The following MAP4K4 variants were observed in gnomAD, a reference collection of about 807,000 sequenced individuals.
MAP4K4 encodes the protein mitogen-activated protein kinase kinase kinase kinase 4.
In MAP4K4, 38 loss-of-function variants were observed where a neutral mutation model predicts 189.6. The ratio of observed to expected loss-of-function variants is 0.20; its 90% CI spans 0.15 to 0.26. The LOEUF (loss-of-function observed/expected upper bound fraction) is 0.26. Ranked by LOEUF, MAP4K4 falls within the 10% of genes least tolerant of loss-of-function variation. The probability of loss-of-function intolerance (pLI) is 1.00; values close to 1 mark genes in which losing one functional copy is unlikely to be tolerated. For synonymous variants in MAP4K4, 610 were observed against 624.3 expected, an observed-to-expected ratio of 0.98 and a Z score of 0.34; for missense variants, 1,054 against 1,726.9, an observed-to-expected ratio of 0.61 and a Z score of 6.91.
Position 101,738,164 on chromosome 2 carries a change from CT to C in MAP4K4, c.123+39634del, listed in dbSNP as rs914998098. On this transcript the variant is annotated intron_variant, in intron 2 of 32. Transcript: ENST00000324219. ...CCCCAAGAAGAGAAAGCCCCTTGTA[CT>C]TTTTTTTCTTCTCTGAAGTCACAAA... is the stretch of plus-strand genomic sequence containing the variant. 5.9e-5 allele frequency among the ~76,000 whole-genome samples: 9 copies of C among 152,158 alleles called. No individual in the cohort carries two copies. In the South Asian group the frequency reaches 8.3e-4, roughly 14 times the overall value.
intron 2 of MAP4K4, among the ~76,000 whole-genome samples, chr2:101,774,169 G>A (rs372229127): frequency 6.6e-6 from 1 of 152,112 alleles, no homozygotes; most frequent in Non-Finnish European, 1.5e-5. Flanking sequence ...ACTAGTTTAC[G>A]TTACCACCAA....
At chr2:101,874,733 A>G (rs928203661) in intron 26 of MAP4K4, among the ~76,000 whole-genome samples, 2 of 152,226 alleles carry the variant, frequency 1.3e-5, no homozygotes, top group African/African-American at 2.4e-5. Context: ...GTAATTTCCA[A>G]GTACTTTACA....
intron 6 of MAP4K4, among the ~76,000 whole-genome samples, chr2:101,831,132 T>C (rs940741937): frequency 1.3e-5 from 2 of 152,164 alleles, no homozygotes; most frequent in African/African-American, 4.8e-5. Flanking sequence ...TCCTTGAACT[T>C]TCCTCTAGAC....
At chr2:101,885,942 T>C (rs1159449709) in intron 29 of MAP4K4, among the ~76,000 whole-genome samples, 1 of 152,208 alleles carries the variant, frequency 6.6e-6, no homozygotes, top group Non-Finnish European at 1.5e-5. Flanking sequence ...TTTACAAATA[T>C]ACCTCACATT....
At chr2:101,754,907 T>C (rs2071495985) in intron 2 of MAP4K4, among the ~76,000 whole-genome samples, 1 of 152,178 alleles carries the variant, frequency 6.6e-6, no homozygotes, top group Non-Finnish European at 1.5e-5. Flanking sequence ...CAGAATATTG[T>C]TAGTCATGGC....
Position 101,812,712 on chromosome 2 carries a change from A to G in MAP4K4, c.181-11216A>G, listed in dbSNP as rs149665442. Among the ~76,000 whole-genome samples the G allele has an allele frequency of 6.5e-3, 986 of 152,300 alleles. 16 individuals carry two copies. Among genetic ancestry groups the G allele is most frequent in the African/African-American group, 0.023 (954 of 41,546 alleles). ...TAGATAATTGCCATACAGTGTGCTT[A>G]TGGTGCTGGATGGGGTGGTGGGATG... On this transcript the variant is annotated intron_variant, in intron 3 of 32. Transcript: ENST00000324219.
At chr2:101,829,812 G>A in intron 6 of MAP4K4, 3 of 452,054 alleles carry the variant, frequency 6.6e-6, no homozygotes, top group Non-Finnish European at 4.1e-6. Flanking sequence ...CTATACAGCA[G>A]CCAGACTGAT....
intron 2 of MAP4K4, among the ~76,000 whole-genome samples, chr2:101,718,216 A>G (rs2049533593): frequency 6.7e-6 from 1 of 149,912 alleles, no homozygotes; most frequent in Non-Finnish European, 1.5e-5. Flanking sequence ...AGATCGCGCC[A>G]TTGCACTCCA....
At chr2:101,868,181 C>A in intron 21 of MAP4K4, 144 bp downstream of exon 21, 1 of 870,190 alleles carries the variant, frequency 1.1e-6, no homozygotes, top group East Asian at 2.7e-5. Context: ...AAACTTTACT[C>A]CAGTTTTCTT....
At chr2:101,823,784 A>T (rs2096216201) in intron 3 of MAP4K4, 144 bp from the exon 4 acceptor site, 2 of 625,248 alleles carry the variant, frequency 3.2e-6, no homozygotes, top group South Asian at 4.4e-5. Context: ...TGTTCTTGGC[A>T]CAAGGATAAA....
In MAP4K4 at chr2:101,891,116, A is replaced by T. The variant is rs375775487; in HGVS notation, c.4072-50A>T. ...TGGTGGCTTAGATTCCCTGGCTGGA[A>T]GTGCTTCATGACCATGGTAACCATT... On this transcript the variant is annotated intron_variant, in intron 32 of 32. Coordinates refer to ENST00000324219, the Ensembl canonical transcript of MAP4K4. 2.1e-6 allele frequency: 3 copies of T among 1,419,616 alleles called. No homozygotes were observed. In the African/African-American group the frequency reaches 4.2e-5, roughly 20 times the overall value. The allele number at this position is 1,419,616 out of a possible 1,614,324, so 87.9% of individuals were successfully genotyped here. A position where few individuals can be genotyped will look rare whatever the true frequency, so the allele number is the denominator to read the frequency against.
intron 3 of MAP4K4, among the ~76,000 whole-genome samples, chr2:101,813,083 A>G (rs2095528549): frequency 6.6e-6 from 1 of 152,162 alleles, no homozygotes; most frequent in African/African-American, 2.4e-5. Context: ...GAGCCAAGAT[A>G]GTGCCGGCCT....
At chr2:101,861,155 T>G in intron 16 of MAP4K4, 169 bp downstream of exon 16, 1 of 594,350 alleles carries the variant, frequency 1.7e-6, no homozygotes, top group East Asian at 2.9e-5. Context: ...GATAGGGAAA[T>G]ATCTTTTTCT....
intron 2 of MAP4K4, among the ~76,000 whole-genome samples, chr2:101,751,339 T>C (rs1261744464): frequency 6.6e-6 from 1 of 152,236 alleles, no homozygotes; most frequent in Admixed American, 6.5e-5. Context: ...TTTACTTTTA[T>C]ACAACAGAGA....
chr2:101,763,010 G>A (rs1370257692), intron 2 of MAP4K4, among the ~76,000 whole-genome samples: 2 of 152,162 alleles, frequency 1.3e-5, no homozygotes, highest in Admixed American at 6.5e-5. Context: ...AGGAATGTGA[G>A]GCCAGAAGAT....
chr2:101,857,452 G>T (rs1230318454), intron 13 of MAP4K4, among the ~76,000 whole-genome samples: 1 of 152,216 alleles, frequency 6.6e-6, no homozygotes, highest in Admixed American at 6.5e-5. Flanking sequence ...AGCTGTCCCT[G>T]TGTTGAGGGC....
chr2:101,765,603 G>A (rs1209157169), intron 2 of MAP4K4, among the ~76,000 whole-genome samples: 1 of 152,162 alleles, frequency 6.6e-6, no homozygotes, highest in East Asian at 1.9e-4. Context: ...GGGATTACAG[G>A]TGTAAATCAC....
At chr2:101,758,335 G>A (rs974618702) in intron 2 of MAP4K4, among the ~76,000 whole-genome samples, 1 of 152,184 alleles carries the variant, frequency 6.6e-6, no homozygotes, top group Non-Finnish European at 1.5e-5. Flanking sequence ...AGGACACATC[G>A]TGAGCGTTGT....
At chr2:101,777,284 T>A (rs1338447776) in intron 2 of MAP4K4, among the ~76,000 whole-genome samples, 2 of 152,226 alleles carry the variant, frequency 1.3e-5, no homozygotes, top group Non-Finnish European at 2.9e-5. Flanking sequence ...CAGAGAGTCC[T>A]GCTCTGTGCA....
Sources: allele counts gnomAD v4.1 joint callset (sites outside exome capture counted in the v4.1 genomes callset), GRCh38; gene constraint gnomAD v4.1.1; transcripts MANE v1.5; gene names NCBI Gene and HGNC (gene_info 2026-07-23, HGNC 2026-07-21).